KIAA1549L: variants seen among roughly 807,000 people sequenced by gnomAD.
The protein encoded by KIAA1549L is UPF0606 protein KIAA1549L.
In KIAA1549L, 88 loss-of-function variants were observed where a neutral mutation model predicts 160.7. The observed-to-expected ratio is 0.55, with a 90% CI of 0.46 to 0.65. The LOEUF (loss-of-function observed/expected upper bound fraction) is 0.65. Among genes scored for constraint, KIAA1549L ranks in the 30% least tolerant of loss-of-function variants. The pLI, the probability that KIAA1549L is intolerant of heterozygous loss-of-function variation, is 0.00. For missense variants in KIAA1549L, 2,258 were observed against 2,437.5 expected (o/e 0.93, Z 1.55); for synonymous variants, 950 against 976.7 (o/e 0.97, Z 0.51).
intron 1 of KIAA1549L, among the ~76,000 whole-genome samples, chr11:33,423,747 G>T (rs1186377298): frequency 2.0e-5 from 3 of 152,218 alleles, no homozygotes; most frequent in Non-Finnish European, 4.4e-5. Context: ...GTAACAGAAG[G>T]CTGAGTGCGG....
intron 13 of KIAA1549L, among the ~76,000 whole-genome samples, chr11:33,602,481 T>G (rs1480499289): frequency 6.6e-6 from 1 of 152,234 alleles, no homozygotes; most frequent in African/African-American, 2.4e-5. Flanking sequence ...ACGTGTTGGA[T>G]AAGAACACTT....
intron 1 of KIAA1549L, among the ~76,000 whole-genome samples, chr11:33,502,244 C>T (rs1490030833): frequency 6.6e-6 from 1 of 152,186 alleles, no homozygotes; most frequent in Non-Finnish European, 1.5e-5. Context: ...CATCGCATCA[C>T]TCATGAGAAG....
chr11:33,435,079 G>C (rs1369112669), intron 1 of KIAA1549L, among the ~76,000 whole-genome samples: 2 of 152,214 alleles, frequency 1.3e-5, no homozygotes, highest in African/African-American at 2.4e-5. Flanking sequence ...ATAAAAAGCT[G>C]TGCCATTTCT....
At chr11:33,429,443 A>G (rs1226027954) in intron 1 of KIAA1549L, among the ~76,000 whole-genome samples, 1 of 152,106 alleles carries the variant, frequency 6.6e-6, no homozygotes, top group African/African-American at 2.4e-5. Context: ...CCTCCTTACT[A>G]TTCCAGGGTT....
chr11:33,540,658 C>G (rs1197359303), intron 1 of KIAA1549L, among the ~76,000 whole-genome samples: 1 of 152,206 alleles, frequency 6.6e-6, no homozygotes, highest in Non-Finnish European at 1.5e-5. Context: ...GGAGGGCATG[C>G]ATTTTAATGA....
intron 1 of KIAA1549L, among the ~76,000 whole-genome samples, chr11:33,435,796 ATATATATATATATATGTGTGTG>A (rs1851353179): frequency 2.9e-5 from 1 of 34,668 alleles, no homozygotes. Flanking sequence ...ATATATATAT[ATATATATATATATATGTGTGTG>A]TATATATATA....
intron 12 of KIAA1549L, among the ~76,000 whole-genome samples, chr11:33,593,573 G>A (rs917330867): frequency 5.9e-5 from 9 of 152,228 alleles, no homozygotes; most frequent in South Asian, 2.1e-4. Context: ...AGAGACGATC[G>A]TGTCATGGGA....
At chr11:33,414,182 G>A (rs1850838647) in intron 1 of KIAA1549L, among the ~76,000 whole-genome samples, 1 of 152,196 alleles carries the variant, frequency 6.6e-6, no homozygotes, top group Admixed American at 6.5e-5. Flanking sequence ...ATAGTTTGTA[G>A]TTATGAAGAT....
rs1305039747 is a variant in KIAA1549L, at chr11:33,542,757, C to G, written c.1194C>G (p.His398Gln). Reference sequence around the variant, plus strand: ...AAGCTGGGGTGCCTGGAAGAGTGCACAATGGGGTGTCTTTGCCAACTTTTA... The same window carrying G: ...AAGCTGGGGTGCCTGGAAGAGTGCAGAATGGGGTGTCTTTGCCAACTTTTA... ...QIKAGVPGRV[H>Q]NGVSLPTFKN... The change falls in exon 2 of 21, where the codon CAC becomes CAG. Residue 398 changes from histidine to glutamine, a missense_variant. Coordinates refer to ENST00000658780, the MANE Select transcript of KIAA1549L (RefSeq NM_012194.3). The G allele has an allele frequency of 1.9e-6, 3 of 1,613,952 alleles. No homozygotes were observed. Among genetic ancestry groups the G allele is most frequent in the Non-Finnish European group, 2.5e-6 (3 of 1,179,858 alleles).
At chr11:33,625,974 A>G (rs376692064) in intron 16 of KIAA1549L, among the ~76,000 whole-genome samples, 3 of 149,742 alleles carry the variant, frequency 2.0e-5, no homozygotes, top group South Asian at 2.1e-4. Context: ...AGCTTTCTAC[A>G]TATGGCTAGC....
intron 1 of KIAA1549L, among the ~76,000 whole-genome samples, chr11:33,427,900 A>G (rs1000898754): frequency 1.3e-5 from 2 of 152,224 alleles, no homozygotes; most frequent in African/African-American, 4.8e-5. Flanking sequence ...TAATTCATTT[A>G]GCATAATGTT....
At chr11:33,533,793 G>A (rs1013639399) in intron 1 of KIAA1549L, among the ~76,000 whole-genome samples, 2 of 152,130 alleles carry the variant, frequency 1.3e-5, no homozygotes, top group Non-Finnish European at 2.9e-5. Flanking sequence ...ATTATTTTGA[G>A]AGTCTTTATC....
chr11:33,433,439 A>G (rs951548355), intron 1 of KIAA1549L, among the ~76,000 whole-genome samples: 2 of 152,158 alleles, frequency 1.3e-5, no homozygotes, highest in African/African-American at 2.4e-5. Context: ...TCAGGAAACA[A>G]TAGATGCTGG....
intron 10 of KIAA1549L, among the ~76,000 whole-genome samples, chr11:33,578,227 C>T (rs1855519677): frequency 6.6e-6 from 1 of 152,126 alleles, no homozygotes; most frequent in African/African-American, 2.4e-5. Flanking sequence ...TCAGGTTAGA[C>T]TCATGGAGGC....
chr11:33,444,414 G>A lies in KIAA1549L; in HGVS notation c.238+67525G>A, dbSNP rs528409340. Among the ~76,000 whole-genome samples the A allele has an allele frequency of 3.3e-5, 5 of 152,250 alleles. No homozygotes were observed. The South Asian group carries it at 8.3e-4, about 25-fold the overall frequency. On this transcript the variant is annotated intron_variant, in intron 1 of 20. Transcript: ENST00000658780. ...GTGGAAAAGGAAAAGTGTACATTGT[G>A]TGTTTTCACTTGTAAAAATCTGTCC...
chr11:33,487,232 G>T (rs1433436532), intron 1 of KIAA1549L, among the ~76,000 whole-genome samples: 2 of 152,006 alleles, frequency 1.3e-5, no homozygotes, highest in East Asian at 3.9e-4. Flanking sequence ...CTTTTTCTCA[G>T]CGCTAGCTGT....
rs569986936 is a variant in KIAA1549L, at chr11:33,646,158, C to T, written c.5760+122C>T. 343 of 743,750 alleles carry T rather than the reference C, an allele frequency of 4.6e-4. 1 individual carries two copies. The highest frequency in any genetic ancestry group is 6.8e-4 in the Non-Finnish European group (309 of 453,732). The allele number at this position is 743,750 out of a possible 1,614,324, so 46.1% of individuals were successfully genotyped here. ...CTTTGGGATCTGGAGATGAACTATG[C>T]CAGGCCCTCATCCCATCATCCCATC... On this transcript the variant is annotated intron_variant, in intron 17 of 20. Coordinates refer to ENST00000658780, the MANE Select transcript of KIAA1549L (RefSeq NM_012194.3).
At chr11:33,558,453 G>T (rs999546449) in intron 6 of KIAA1549L, among the ~76,000 whole-genome samples, 1 of 152,118 alleles carries the variant, frequency 6.6e-6, no homozygotes, top group Non-Finnish European at 1.5e-5. Flanking sequence ...ATATCCTCCC[G>T]AAGGCAGTGG....
chr11:33,596,740 CTCAA>C (rs1273241777), intron 12 of KIAA1549L, among the ~76,000 whole-genome samples: 1 of 152,144 alleles, frequency 6.6e-6, no homozygotes, highest in Non-Finnish European at 1.5e-5. Flanking sequence ...CTCTCAAAAA[CTCAA>C]TCAGTCATTC....
Sources: gnomAD v4.1 joint callset for allele counts (sites outside exome capture counted in the v4.1 genomes callset) on GRCh38, gnomAD v4.1.1 for gene constraint, MANE v1.5 for transcripts, NCBI Gene and HGNC (gene_info 2026-07-23, HGNC 2026-07-21) for gene names.